The following RHNO1 variants were observed in gnomAD, a reference collection of about 807,000 sequenced individuals.
RHNO1 encodes the protein RAD9-HUS1-RAD1 interacting nuclear orphan 1.
Under a neutral mutation model 7.2 loss-of-function variants are expected in RHNO1, and 9 were observed. That is an observed-to-expected ratio of 1.25 (90% CI 0.75 to 2.18). RHNO1 has a LOEUF of 2.18. RHNO1 is among the 30% of genes most tolerant of loss of function. The pLI is 0.00. For synonymous variants in RHNO1, 95 were observed against 107.5 expected (o/e 0.88, Z 0.72); for missense variants, 292 against 284.5 (o/e 1.03, Z -0.19).
chr12:2,880,338 T>C (rs1348449091), intron 1 of RHNO1, among the ~76,000 whole-genome samples: 1 of 151,900 alleles, frequency 6.6e-6, no homozygotes, highest in Non-Finnish European at 1.5e-5. Flanking sequence ...ATGTTCAGGC[T>C]GGGCGTGGTG....
At chr12:2,883,501 ATATATATATATTTTTTTTTTT>A (rs2098161283) in intron 1 of RHNO1, among the ~76,000 whole-genome samples, 4 of 31,234 alleles carry the variant, frequency 1.3e-4, no homozygotes, top group African/African-American at 4.6e-4. Context: ...ATATATATAT[ATATATATATATTTTTTTTTTT>A]TTTTTTTTTT....
rs2098168315 is a variant in RHNO1 at position 2,888,438 on chromosome 12, C to G, written c.696C>G (p.Ser232Arg). The part of the protein sequence containing the change: ...YLRERGKLSR[S>R]QFLVKS ...GGGAGAGAGGGAAGCTGAGCAGAAG[C>G]CAATTCCTTGTGAAAAGCTGACTGC... The change falls in exon 3 of 3, where the codon AGC (serine) becomes AGG (arginine). Residue 232 changes from serine to arginine, a missense_variant. By Grantham distance (110) the Ser-to-Arg change is moderately radical (BLOSUM62 -1). Transcript: ENST00000489288. 2 of 1,572,698 alleles carry G rather than the reference C, an allele frequency of 1.3e-6. No homozygotes were observed. The highest frequency in any genetic ancestry group is 8.6e-7 in the Non-Finnish European group (1 of 1,161,870).
At chr12:2,877,468 C>T (rs550552705) in intron 1 of RHNO1, among the ~76,000 whole-genome samples, 186 bp downstream of exon 1, 2 of 152,312 alleles carry the variant, frequency 1.3e-5, no homozygotes, top group Admixed American at 1.3e-4. Flanking sequence ...AGGCGACACG[C>T]CCCCGCTTCC....
intron 1 of RHNO1, among the ~76,000 whole-genome samples, chr12:2,878,969 GTT>G (rs5796032): frequency 1.1e-4 from 17 of 149,930 alleles, no homozygotes; most frequent in Non-Finnish European, 1.6e-4. Context: ...CTCAGAATGA[GTT>G]TTTTTTTTAA....
At chr12:2,883,325 A>G (rs7301179) in intron 1 of RHNO1, among the ~76,000 whole-genome samples, 66,092 of 149,790 alleles carry the variant, frequency 0.44, 15,501 homozygotes, top group East Asian at 0.64. Context: ...GTGGTGAGCC[A>G]TGATCATGCT....
intron 2 of RHNO1, chr12:2,885,914 ACTCTTCTGCCCGGC>A (rs1453268969): frequency 2.2e-5 from 3 of 137,856 alleles, no homozygotes; most frequent in African/African-American, 8.9e-5. Flanking sequence ...CAGAATGCTG[ACTCTTCTGCCCGGC>A]CTACTTTGAC....
upstream of RHNO1, chr12:2,876,371 T>C (rs2098143547): frequency 6.6e-6 from 1 of 152,208 alleles, no homozygotes; most frequent in Non-Finnish European, 1.5e-5. Context: ...AATTTTCTCT[T>C]CTACTTCCTG....
In RHNO1 at chr12:2,888,791, A is replaced by C; in HGVS notation, c.*332A>C. 4.7e-6 allele frequency: 1 copy of C among 210,922 alleles called. No individual in the cohort carries two copies. The highest frequency in any genetic ancestry group is 9.5e-6 in the Non-Finnish European group (1 of 105,252). 13.1% of individuals were successfully genotyped at this position (210,922 alleles called of 1,614,324 possible). A position where few individuals can be genotyped will look rare whatever the true frequency, so the allele number is the denominator to read the frequency against. On this transcript the variant is annotated 3_prime_UTR_variant, in exon 3 of 3. Transcript: ENST00000489288. ...GTCATCTGCTGGCCTTGACCTCACA[A>C]AGTGCTGGCCCAGCCGAGATTTGTT... is the stretch of plus-strand genomic sequence containing the variant.
intron 1 of RHNO1, among the ~76,000 whole-genome samples, chr12:2,884,474 G>T (rs1219200364): frequency 1.3e-5 from 2 of 152,214 alleles, no homozygotes; most frequent in African/African-American, 2.4e-5. Flanking sequence ...TGATCAGCCT[G>T]CCTCAGCCTC....
chr12:2,883,504 TATATA>T (rs1206991170), intron 1 of RHNO1, among the ~76,000 whole-genome samples: 8 of 25,600 alleles, frequency 3.1e-4, no homozygotes, highest in Non-Finnish European at 3.6e-4. Flanking sequence ...TATATATATA[TATATA>T]TATTTTTTTT....
intron 1 of RHNO1, among the ~76,000 whole-genome samples, chr12:2,880,494 G>A (rs1450041377): frequency 6.6e-6 from 1 of 151,714 alleles, no homozygotes; most frequent in East Asian, 1.9e-4. Flanking sequence ...GAGGGCGCCT[G>A]TAATCCCAGC....
intron 1 of RHNO1, among the ~76,000 whole-genome samples, chr12:2,883,180 A>T (rs1364229417): frequency 6.6e-6 from 1 of 151,486 alleles, no homozygotes; most frequent in African/African-American, 2.4e-5. Flanking sequence ...GGAATTCAAG[A>T]CTAGCCTGGG....
intron 1 of RHNO1, among the ~76,000 whole-genome samples, chr12:2,884,867 A>C (rs1000851602): frequency 6.6e-6 from 1 of 152,052 alleles, no homozygotes; most frequent in African/African-American, 2.4e-5. Flanking sequence ...TATGCCTTTC[A>C]TACCTAGGTC....
Position 2,888,302 on chromosome 12 carries a change from G to T in RHNO1, c.560G>T (p.Gly187Val), listed in dbSNP as rs1340310365. The change falls in exon 3 of 3, where the codon GGC becomes GTC. Residue 187 changes from glycine (G) to valine (V), a missense_variant. Gly to Val is a moderately radical substitution (Grantham distance 109). Transcript: ENST00000489288. Reference protein sequence around the residue: ...NSLLSCTLHTGTPNSPEPGPV... With the variant: ...NSLLSCTLHTVTPNSPEPGPV... ...CTTCTAAGCTGCACTCTTCACACTG[G>T]CACTCCTAATAGCCCAGAGCCTGGA... 2 of 1,614,042 alleles carry T rather than the reference G, an allele frequency of 1.2e-6. No individual in the cohort carries two copies. Among genetic ancestry groups the T allele is most frequent in the East Asian group, 4.5e-5 (2 of 44,872 alleles).
chr12:2,886,883 T>C, intron 2 of RHNO1: 1 of 442,454 alleles, frequency 2.3e-6, no homozygotes, highest in Admixed American at 2.4e-5. Context: ...AATGAACATT[T>C]ATTGAATATT....
Position 2,887,990 on chromosome 12 carries a change from G to A in RHNO1, c.248G>A (p.Ser83Asn), listed in dbSNP as rs764539400. 6.2e-6 allele frequency: 10 copies of A among 1,613,650 alleles called. No individual in the cohort carries two copies. The East Asian group carries it at 2.2e-4, about 36-fold the overall frequency. ...QKHQNRARHSSRKPTTSKFPH... is the reference protein window; with the variant it reads ...QKHQNRARHSNRKPTTSKFPH... ...CACCAAAACCGGGCGAGACACTCAA[G>A]TCGAAAACCTACCACCTCCAAGTTT... Residue 83 changes from serine (S) to asparagine (N), a missense_variant, in exon 3 of 3, where the codon AGT becomes AAT. Transcript: ENST00000489288.
At chr12:2,882,531 C>T (rs1489880279) in intron 1 of RHNO1, among the ~76,000 whole-genome samples, 1 of 151,830 alleles carries the variant, frequency 6.6e-6, no homozygotes, top group Admixed American at 6.6e-5. Flanking sequence ...GGTGAAACCT[C>T]ATCTCTACTT....
At position 2,878,786 on chromosome 12, in the gene RHNO1, G is replaced by A. The variant is rs74054776; in HGVS notation, c.-85+1504G>A. Among the ~76,000 whole-genome samples the A allele has an allele frequency of 2.7e-3, 415 of 151,938 alleles. 11 individuals carry two copies. The highest frequency in any genetic ancestry group is 9.4e-3 in the African/African-American group (388 of 41,316). On this transcript the variant is annotated intron_variant, in intron 1 of 2. Transcript: ENST00000489288. ...GTAAAGTTGACAGGGCTTGATGGTG[G>A]GTTGGATGGGAGGTAGAAGTGTCAA...
rs1456197301 is a variant in RHNO1, at chr12:2,883,496, T to A, written c.-84-1787T>A. Reference sequence around the variant, plus strand: ...GATAGAATATATATATATATATATATATATATATATATATATTTTTTTTTT... The same window carrying A: ...GATAGAATATATATATATATATATAAATATATATATATATATTTTTTTTTT... On this transcript the variant is annotated intron_variant, in intron 1 of 2. Transcript: ENST00000489288. Among the ~76,000 whole-genome samples, 29 of 21,280 alleles carry A rather than the reference T, an allele frequency of 1.4e-3. 1 individual carries two copies. Among genetic ancestry groups the A allele is most frequent in the South Asian group, 7.2e-3 (3 of 416 alleles). 14.0% of individuals were successfully genotyped at this position (21,280 alleles called of 152,430 possible). A position where few individuals can be genotyped will look rare whatever the true frequency, so the allele number is the denominator to read the frequency against.
Sources: allele counts gnomAD v4.1 joint callset (sites outside exome capture counted in the v4.1 genomes callset), GRCh38; gene constraint gnomAD v4.1.1; transcripts MANE v1.5; gene names NCBI Gene and HGNC (gene_info 2026-07-23, HGNC 2026-07-21).